The following RS1 variants were observed in gnomAD, a reference collection of about 807,000 sequenced individuals.
The protein encoded by RS1 is retinoschisin.
A neutral mutation model predicts 20.8 loss-of-function variants in RS1; 2 were observed. The ratio of observed to expected loss-of-function variants is 0.10; its 90% CI spans 0.04 to 0.30. The LOEUF (loss-of-function observed/expected upper bound fraction) is 0.30. Among genes scored for constraint, RS1 ranks in the 10% least tolerant of loss-of-function variants. RS1 has a pLI of 1.00. For synonymous variants in RS1, 70 were observed against 75.8 expected (o/e 0.92, Z 0.40); for missense variants, 151 against 189.8 (o/e 0.80, Z 1.20).
Position 18,644,517 on chromosome X carries a change from A to G in RS1, c.435T>C (p.Asp145=), listed in dbSNP as rs749081937. 1 of 1,211,372 alleles carries G rather than the reference A, an allele frequency of 8.3e-7. No individual in the cohort carries two copies. Among genetic ancestry groups the G allele is most frequent in the Non-Finnish European group, 1.1e-6 (1 of 895,089 alleles). ...GILTQGRCDI[D]EWMTKYSVQY... ...GCACGCTGTACTTGGTCATCCACTC[A>G]TCGATGTCACAGCGCCCCTGGGTGA... Residue 145 remains aspartate (D), a synonymous_variant, in exon 5 of 6, where the codon GAT becomes GAC. Transcript: ENST00000379984.
At chrX:18,648,687 C>T (rs1336476669) in intron 3 of RS1, among the ~76,000 whole-genome samples, 1 of 112,161 alleles carries the variant, frequency 8.9e-6, no homozygotes, top group Admixed American at 9.4e-5. Context: ...AGACTGCCTG[C>T]TGGGATTTCT....
At chrX:18,655,925 T>A (rs909011053) in intron 3 of RS1, among the ~76,000 whole-genome samples, 1 of 109,541 alleles carries the variant, frequency 9.1e-6, no homozygotes, top group Admixed American at 9.8e-5. Flanking sequence ...CTCTAGAGCC[T>A]GTGCTCTTTT....
intron 1 of RS1, among the ~76,000 whole-genome samples, chrX:18,661,594 T>C (rs1044766231): frequency 1.1e-4 from 12 of 110,356 alleles, no homozygotes; most frequent in Non-Finnish European, 1.9e-4. Flanking sequence ...GCAGAATGAG[T>C]GCAAGGTTTT....
chrX:18,648,070 C>T (rs1030413306), intron 3 of RS1, among the ~76,000 whole-genome samples: 2 of 110,947 alleles, frequency 1.8e-5, no homozygotes, highest in Non-Finnish European at 3.8e-5. Context: ...GGCACGGTGA[C>T]TCATGCCTGT....
chrX:18,641,994 G>A lies in RS1; in HGVS notation c.*10C>T, dbSNP rs1329104544. ...GTCACCCCCTGGCAGGCGCCGAGCTGAGGCAGGCATCAGGCACACTTGCTG... is the reference window on the plus strand; with the variant it reads ...GTCACCCCCTGGCAGGCGCCGAGCTAAGGCAGGCATCAGGCACACTTGCTG... On this transcript the variant is annotated 3_prime_UTR_variant, in exon 6 of 6. Coordinates refer to ENST00000379984, the MANE Select transcript of RS1 (RefSeq NM_000330.4). 6.6e-6 allele frequency: 8 copies of A among 1,209,436 alleles called. No individual in the cohort carries two copies. The highest frequency in any genetic ancestry group is 7.8e-6 in the Non-Finnish European group (7 of 895,201).
chrX:18,648,886 G>A (rs1159206895), intron 3 of RS1, among the ~76,000 whole-genome samples: 1 of 109,748 alleles, frequency 9.1e-6, no homozygotes, highest in Non-Finnish European at 1.9e-5. Flanking sequence ...AGACCAGCCT[G>A]GGGCAACATA....
At chrX:18,660,241 A>G (rs1279391294) in intron 1 of RS1, among the ~76,000 whole-genome samples, 3 of 108,997 alleles carry the variant, frequency 2.8e-5, no homozygotes, top group Non-Finnish European at 5.7e-5. Context: ...ACACCACCAA[A>G]ACTCCATTTC....
At chrX:18,645,456 A>AG (rs778222046) in intron 4 of RS1, among the ~76,000 whole-genome samples, 25 of 108,546 alleles carry the variant, frequency 2.3e-4, no homozygotes, top group African/African-American at 7.1e-4. Flanking sequence ...CCCTGCTTTC[A>AG]GACCCCACGT....
Position 18,653,482 on chromosome X carries a change from G to A in RS1, c.184+3171C>T, listed in dbSNP as rs727503848. ...TATGAGGGAAGCCCTGATTCACAGG[G>A]CCCAGGTAAACCAAGCTGCGCTCCT... On this transcript the variant is annotated intron_variant, in intron 3 of 5. Coordinates refer to ENST00000379984, the MANE Select transcript of RS1 (RefSeq NM_000330.4). 7 of 1,209,883 alleles carry A rather than the reference G, an allele frequency of 5.8e-6. No homozygotes were observed. In the African/African-American group the frequency reaches 1.2e-4, roughly 21 times the overall value.
intron 5 of RS1, among the ~76,000 whole-genome samples, chrX:18,643,829 A>AATATATAT (rs755520723): frequency 2.7e-4 from 29 of 105,876 alleles, no homozygotes; most frequent in African/African-American, 1.0e-3. Flanking sequence ...ATTCATAGCA[A>AATATATAT]ATATATATAT....
chrX:18,660,668 A>G (rs1313360258), intron 1 of RS1, among the ~76,000 whole-genome samples: 1 of 112,677 alleles, frequency 8.9e-6, no homozygotes, highest in Non-Finnish European at 1.9e-5. Context: ...GCTTTTAGAA[A>G]CCACACAAAG....
At chrX:18,654,082 T>C (rs1199691596) in intron 3 of RS1, among the ~76,000 whole-genome samples, 1 of 110,670 alleles carries the variant, frequency 9.0e-6, no homozygotes, top group Non-Finnish European at 1.9e-5. Flanking sequence ...GACAGCTGTG[T>C]AGGGGAGACA....
At chrX:18,668,389 G>A (rs1488428078) in intron 1 of RS1, among the ~76,000 whole-genome samples, 7 of 112,521 alleles carry the variant, frequency 6.2e-5, no homozygotes, top group Admixed American at 9.4e-5. Context: ...GGAAAGGCGC[G>A]CTTTAGATAC....
intron 1 of RS1, among the ~76,000 whole-genome samples, chrX:18,667,254 A>G (rs1480746143): frequency 8.9e-6 from 1 of 111,737 alleles, no homozygotes; most frequent in Non-Finnish European, 1.9e-5. Context: ...AGTTAGGTCA[A>G]CATCAATTGT....
At chrX:18,668,460 C>G (rs746561471) in intron 1 of RS1, among the ~76,000 whole-genome samples, 1 of 112,839 alleles carries the variant, frequency 8.9e-6, no homozygotes, top group Admixed American at 9.4e-5. Context: ...AGCGTTCCTT[C>G]CCATGGAAAC....
intron 1 of RS1, among the ~76,000 whole-genome samples, chrX:18,663,985 G>C (rs1216064726): frequency 9.0e-6 from 1 of 111,676 alleles, no homozygotes; most frequent in African/African-American, 3.3e-5. Context: ...TAACCTCTTT[G>C]GAAAACTATT....
intron 3 of RS1, among the ~76,000 whole-genome samples, chrX:18,654,989 A>G (rs970899956): frequency 2.8e-5 from 3 of 108,970 alleles, no homozygotes; most frequent in African/African-American, 1.0e-4. Flanking sequence ...GCACAATACC[A>G]TCATAACCCT....
At chrX:18,658,780 TTCATCA>T (rs35009798) in intron 1 of RS1, among the ~76,000 whole-genome samples, 125 of 103,845 alleles carry the variant, frequency 1.2e-3, no homozygotes, top group Middle Eastern at 5.0e-3. Flanking sequence ...TTATTAAATC[TTCATCA>T]TCATCATCAT....
At chrX:18,668,799 G>GTCGA (rs1838821023) in intron 1 of RS1, among the ~76,000 whole-genome samples, 1 of 112,069 alleles carries the variant, frequency 8.9e-6, no homozygotes, top group Non-Finnish European at 1.9e-5. Context: ...GAGACAGAAA[G>GTCGA]TCGATCCGTG....
Sources: gnomAD v4.1 joint callset for allele counts (sites outside exome capture counted in the v4.1 genomes callset) on GRCh38, gnomAD v4.1.1 for gene constraint, MANE v1.5 for transcripts, NCBI Gene and HGNC (gene_info 2026-07-23, HGNC 2026-07-21) for gene names.